Variants in NREP observed in about 807,000 individuals in gnomAD.
NREP encodes neuronal regeneration-related protein.
A neutral mutation model predicts 8.6 loss-of-function variants in NREP; 5 were observed. That is an observed-to-expected ratio of 0.58 (90% CI 0.30 to 1.22). The LOEUF (loss-of-function observed/expected upper bound fraction) is 1.22, where lower values mean the gene tolerates loss of function less well. NREP is among the 50% of genes most tolerant of loss of function. The pLI is 0.07. For missense variants in NREP, 86 were observed against 82.5 expected, an observed-to-expected ratio of 1.04 and a Z score of -0.17; for synonymous variants, 27 against 28.0, an observed-to-expected ratio of 0.96 and a Z score of 0.11.
chr5:111,735,552 C>A (rs758759414), intron 2 of NREP, 45 bp from the exon 3 acceptor site: 3 of 1,415,840 alleles, frequency 2.1e-6, no homozygotes, highest in East Asian at 4.6e-5. Flanking sequence ...AAAACAGGAT[C>A]CACTCTGAAA....
chr5:111,784,926 G>A (rs1389563557), intron 2 of NREP, among the ~76,000 whole-genome samples: 3 of 152,170 alleles, frequency 2.0e-5, no homozygotes, highest in Non-Finnish European at 4.4e-5. Flanking sequence ...GTCAGGCTGG[G>A]TGTGCTTGAG....
intron 2 of NREP, among the ~76,000 whole-genome samples, chr5:111,843,471 T>C (rs1384900514): frequency 6.6e-6 from 1 of 152,090 alleles, no homozygotes; most frequent in East Asian, 1.9e-4. Flanking sequence ...GTTGTCTATA[T>C]GTGTTCTCTT....
chr5:111,938,694 T>C (rs1755750572), intron 2 of NREP, among the ~76,000 whole-genome samples: 1 of 152,052 alleles, frequency 6.6e-6, no homozygotes. Context: ...TATTGTAAAC[T>C]TTAAATGCCT....
At chr5:111,842,630 A>C (rs1447239048) in intron 2 of NREP, among the ~76,000 whole-genome samples, 3 of 152,088 alleles carry the variant, frequency 2.0e-5, no homozygotes, top group African/African-American at 7.2e-5. Flanking sequence ...CTATCATTAC[A>C]ATATTAGAGT....
intron 2 of NREP, among the ~76,000 whole-genome samples, chr5:111,969,734 A>C (rs1260636741): frequency 6.6e-6 from 1 of 152,202 alleles, no homozygotes; most frequent in African/African-American, 2.4e-5. Context: ...GAGCAGTTTT[A>C]CATATACTGT....
chr5:111,964,856 A>G (rs1450670203), intron 2 of NREP, among the ~76,000 whole-genome samples: 1 of 60,202 alleles, frequency 1.7e-5, no homozygotes, highest in Non-Finnish European at 2.9e-5. Context: ...TTTCAGCAGC[A>G]AAAAAAAAAA....
chr5:111,796,000 A>C lies in NREP; in HGVS notation c.136-60493T>G, dbSNP rs144626636. On this transcript the variant is annotated intron_variant, in intron 2 of 3. Coordinates refer to the NREP transcript ENST00000395634. ...TATTGCTGCTGTAACAAATTAACACAAACTTAAAACCATACAAATTTGTAT... is the reference window on the plus strand; with the variant it reads ...TATTGCTGCTGTAACAAATTAACACCAACTTAAAACCATACAAATTTGTAT... 2.1e-3 allele frequency among the ~76,000 whole-genome samples: 315 copies of C among 152,332 alleles called. 1 individual carries two copies. Among genetic ancestry groups the C allele is most frequent in the African/African-American group, 7.0e-3 (290 of 41,566 alleles).
At chr5:111,753,193 C>T (rs1224288661) in intron 2 of NREP, among the ~76,000 whole-genome samples, 1 of 151,734 alleles carries the variant, frequency 6.6e-6, no homozygotes, top group East Asian at 1.9e-4. Flanking sequence ...ACACTTTTAA[C>T]AGTACTCTTG....
At chr5:111,756,296 T>TTAAA in intron 1 of NREP, 1 of 237,988 alleles carries the variant, frequency 4.2e-6, no homozygotes, top group Non-Finnish European at 5.1e-6. Context: ...CTTCCGTGTT[T>TTAAA]AAAAAAAAAA....
chr5:111,849,882 G>A (rs1451563726), intron 2 of NREP, among the ~76,000 whole-genome samples: 1 of 152,078 alleles, frequency 6.6e-6, no homozygotes, highest in Non-Finnish European at 1.5e-5. Flanking sequence ...AAAAATGTAT[G>A]CAAGAAGTGA....
At chr5:111,786,287 C>A (rs1751606846) in intron 2 of NREP, among the ~76,000 whole-genome samples, 1 of 152,182 alleles carries the variant, frequency 6.6e-6, no homozygotes, top group Non-Finnish European at 1.5e-5. Context: ...AGGATTGTAA[C>A]TTTCATGAGG....
intron 2 of NREP, among the ~76,000 whole-genome samples, chr5:111,934,014 G>A (rs1195404250): frequency 6.6e-6 from 1 of 152,060 alleles, no homozygotes; most frequent in Non-Finnish European, 1.5e-5. Context: ...TTCCTTTAAA[G>A]TACCATTTTC....
Position 111,972,240 on chromosome 5 carries a change from T to C in NREP, c.135+3034A>G, listed in dbSNP as rs190155811. 3.1e-4 allele frequency among the ~76,000 whole-genome samples: 47 copies of C among 152,192 alleles called. 1 individual carries two copies. The East Asian group carries it at 8.7e-3, about 28-fold the overall frequency. On this transcript the variant is annotated intron_variant, in intron 2 of 3. Coordinates refer to the NREP transcript ENST00000395634. ...AATAGAAAAGGAAAAAAATAACAAG[T>C]ATGGATGAGAATGTAGTGTAAAGGG...
chr5:111,814,845 G>T (rs1338353393), intron 2 of NREP, among the ~76,000 whole-genome samples: 1 of 151,874 alleles, frequency 6.6e-6, no homozygotes, highest in Non-Finnish European at 1.5e-5. Flanking sequence ...CTATTGAATA[G>T]TTAGTAGGAA....
chr5:111,892,487 T>C (rs1360123877), intron 2 of NREP, among the ~76,000 whole-genome samples: 1 of 152,236 alleles, frequency 6.6e-6, no homozygotes, highest in East Asian at 1.9e-4. Context: ...CTTTCCATTA[T>C]ATGATCATCT....
intron 2 of NREP, among the ~76,000 whole-genome samples, chr5:111,941,083 C>T: frequency 6.6e-6 from 1 of 151,994 alleles, no homozygotes; most frequent in East Asian, 1.9e-4. Flanking sequence ...CACAGAATAA[C>T]TATGGGATCC....
intron 2 of NREP, among the ~76,000 whole-genome samples, chr5:111,947,554 A>C (rs1756026132): frequency 6.6e-6 from 1 of 151,996 alleles, no homozygotes; most frequent in Non-Finnish European, 1.5e-5. Flanking sequence ...AACTGCCTTA[A>C]ATTTTATTAA....
At chr5:111,915,924 T>A (rs1002725993) in intron 2 of NREP, among the ~76,000 whole-genome samples, 1 of 152,088 alleles carries the variant, frequency 6.6e-6, no homozygotes, top group Non-Finnish European at 1.5e-5. Flanking sequence ...ATTGTCCCAA[T>A]AAGTCACTAT....
chr5:111,798,028 T>A (rs1271584452), intron 2 of NREP, among the ~76,000 whole-genome samples: 1 of 152,190 alleles, frequency 6.6e-6, no homozygotes, highest in Non-Finnish European at 1.5e-5. Context: ...GACTTTACAC[T>A]AAGCACAGAT....
Sources: gnomAD v4.1 joint callset for allele counts (sites outside exome capture counted in the v4.1 genomes callset) on GRCh38, gnomAD v4.1.1 for gene constraint, MANE v1.5 for transcripts, NCBI Gene and HGNC (gene_info 2026-07-23, HGNC 2026-07-21) for gene names.